TNFRSF14: variants seen among roughly 807,000 people sequenced by gnomAD.
The protein encoded by TNFRSF14 is TNF receptor superfamily member 14, also known as tumor necrosis factor receptor superfamily member 14.
TNFRSF14 carries 18 observed loss-of-function variants against 34.1 expected under a neutral mutation model. That is an observed-to-expected ratio of 0.53 (90% confidence interval 0.36 to 0.78). TNFRSF14 has a LOEUF of 0.78. TNFRSF14 is among the 30% of genes least tolerant of loss of function. The probability of loss-of-function intolerance (pLI) is 0.00; values close to 1 mark genes in which losing one functional copy is unlikely to be tolerated. For missense variants in TNFRSF14, 352 were observed against 379.5 expected (o/e 0.93, Z 0.60); for synonymous variants, 157 against 153.2 (o/e 1.02, Z -0.18).
chr1:2,558,541 C>T (rs1041708330), intron 3 of TNFRSF14, 73 bp downstream of exon 3: 21 of 1,590,532 alleles, frequency 1.3e-5, no homozygotes, highest in Non-Finnish European at 1.4e-5. Flanking sequence ...CACCCTCTCT[C>T]CATGGCCACA....
intron 6 of TNFRSF14, chr1:2,562,102 T>A (rs1375254008): frequency 1.0e-5 from 5 of 499,646 alleles, no homozygotes; most frequent in Non-Finnish European, 1.1e-5. Flanking sequence ...CTGTGGGATG[T>A]GGGGAGCAGG....
intron 3 of TNFRSF14, 25 bp from the exon 4 acceptor site, chr1:2,559,798 C>T (rs370425155): frequency 2.5e-6 from 4 of 1,598,308 alleles, no homozygotes; most frequent in Non-Finnish European, 3.4e-6. Context: ...ACGTACCCCT[C>T]TCAGCCCCTC....
intron 3 of TNFRSF14, chr1:2,559,020 C>T (rs758535866): frequency 9.0e-5 from 123 of 1,368,088 alleles, no homozygotes; most frequent in Non-Finnish European, 1.0e-4. Flanking sequence ...ATGCGGCCAA[C>T]GGCTCTGTCC....
At position 2,562,875 on chromosome 1, in the gene TNFRSF14, C is replaced by G; in HGVS notation, c.705C>G (p.Val235=). 2 of 1,613,930 alleles carry G rather than the reference C, an allele frequency of 1.2e-6. No homozygotes were observed. The highest frequency in any genetic ancestry group is 1.7e-5 in the Admixed American group (1 of 60,014). The change falls in exon 7 of 8, where the codon GTC becomes GTG. Residue 235 remains valine (V), a synonymous_variant. Coordinates refer to ENST00000355716, the MANE Select transcript of TNFRSF14 (RefSeq NM_003820.4). The stretch of plus-strand genomic sequence containing the variant: ...GTCTGTGTATTGCAGGTGATGTAGT[C>G]AAGGTGATCGTCTCCGTCCAGGTAT... The part of the protein sequence containing the change: ...VKRRKPRGDV[V]KVIVSVQRKR...
chr1:2,556,639 C>A lies in TNFRSF14; in HGVS notation c.-26C>A. On this transcript the variant is annotated 5_prime_UTR_variant, in exon 1 of 8. Transcript: ENST00000355716. ...GGAGTTCATCCTGCTAGCTGGGTTC[C>A]CGAGCTGCCGGTCTGAGCCTGAGGC... is the stretch of plus-strand genomic sequence containing the variant. 6.2e-7 allele frequency: 1 copy of A among 1,606,468 alleles called. No individual in the cohort carries two copies. Among genetic ancestry groups the A allele is most frequent in the East Asian group, 2.2e-5 (1 of 44,634 alleles).
chr1:2,555,948 C>G (rs983018918), upstream of TNFRSF14: 1 of 196,184 alleles, frequency 5.1e-6, no homozygotes, highest in African/African-American at 2.4e-5. This position sits in a 1 kb window ranked among gnomAD's most constrained non-coding sequence, Gnocchi z 6.3. Flanking sequence ...ACAGGGAGAC[C>G]GGGCGAGGCT....
At position 2,556,743 on chromosome 1, in the gene TNFRSF14, C is replaced by T. The variant is rs756768654; in HGVS notation, c.69+10C>T. 21 of 1,584,466 alleles carry T rather than the reference C, an allele frequency of 1.3e-5. No homozygotes were observed. The highest frequency in any genetic ancestry group is 4.5e-5 in the East Asian group (2 of 44,618). ...CGACGTCTTGAGGCTGGTGAGCCCCCGAGCCTCCTCTCCGTCTGCTCGCAG... is the reference window on the plus strand; with the variant it reads ...CGACGTCTTGAGGCTGGTGAGCCCCTGAGCCTCCTCTCCGTCTGCTCGCAG... On this transcript the variant is annotated intron_variant, in intron 1 of 7. Coordinates refer to ENST00000355716, the MANE Select transcript of TNFRSF14 (RefSeq NM_003820.4).
At chr1:2,557,650 C>G in intron 1 of TNFRSF14, 76 bp from the exon 2 acceptor site, 1 of 1,157,520 alleles carries the variant, frequency 8.6e-7, no homozygotes, top group Non-Finnish European at 1.2e-6. Flanking sequence ...GAGGGAGATT[C>G]AGGCTGTGGG....
At chr1:2,560,044 G>T in intron 4 of TNFRSF14, 66 bp downstream of exon 4, 1 of 1,461,540 alleles carries the variant, frequency 6.8e-7, no homozygotes, top group African/African-American at 1.4e-5. Context: ...GCTGTCTGGA[G>T]CCCCAGGTTT....
chr1:2,554,843 T>C (rs1325879626), upstream of TNFRSF14: 1 of 152,228 alleles, frequency 6.6e-6, no homozygotes, highest in Non-Finnish European at 1.5e-5. This position sits in a 1 kb window ranked among gnomAD's most constrained non-coding sequence, Gnocchi z 4.2. Context: ...CCGGCAGGTG[T>C]AGGCGCTGTG....
rs140612981 is a variant in TNFRSF14, at chr1:2,563,255, G to A, written c.834G>A (p.Gly278=). ...AVEETIPSFT[G]RSPNH ...AGGAGACAATACCCTCATTCACGGG[G>A]AGGAGCCCAAACCACTGACCCACAG... The change falls in exon 8 of 8, where the codon GGG becomes GGA. Residue 278 remains glycine, a synonymous_variant. Coordinates refer to ENST00000355716, the MANE Select transcript of TNFRSF14 (RefSeq NM_003820.4). 4.6e-5 allele frequency: 75 copies of A among 1,613,492 alleles called. No individual in the cohort carries two copies. In the African/African-American group the frequency reaches 8.3e-4, roughly 18 times the overall value.
chr1:2,558,251 C>A (rs1208883578), intron 2 of TNFRSF14, 92 bp from the exon 3 acceptor site: 1 of 1,509,492 alleles, frequency 6.6e-7, no homozygotes, highest in Non-Finnish European at 8.8e-7. Flanking sequence ...CTGGTGTCTC[C>A]CTGCTTGGGC....
Position 2,562,877 on chromosome 1 carries a change from A to C in TNFRSF14, c.707A>C (p.Lys236Thr). ...CTGTGTATTGCAGGTGATGTAGTCA[A>C]GGTGATCGTCTCCGTCCAGGTATTG... is the stretch of plus-strand genomic sequence containing the variant. ...KRRKPRGDVV[K>T]VIVSVQRKRQ... Residue 236 changes from lysine to threonine, a missense_variant, in exon 7 of 8, where the codon AAG (lysine) becomes ACG (threonine). Physicochemically the swap from Lys to Thr is moderately conservative, Grantham distance 78 (BLOSUM62 -1). Coordinates refer to ENST00000355716, the MANE Select transcript of TNFRSF14 (RefSeq NM_003820.4). The C allele has an allele frequency of 6.2e-7, 1 of 1,613,904 alleles. No homozygotes were observed. Among genetic ancestry groups the C allele is most frequent in the Non-Finnish European group, 8.5e-7 (1 of 1,179,958 alleles).
At position 2,563,380 on chromosome 1, in the gene TNFRSF14, C is replaced by G. The variant is rs891923249; in HGVS notation, c.*107C>G. The G allele has an allele frequency of 1.6e-5, 25 of 1,530,386 alleles. No homozygotes were observed. Among genetic ancestry groups the G allele is most frequent in the Non-Finnish European group, 2.0e-5 (23 of 1,136,232 alleles). 94.8% of individuals were successfully genotyped at this position (1,530,386 alleles called of 1,614,324 possible). A position where few individuals can be genotyped will look rare whatever the true frequency, so the allele number is the denominator to read the frequency against. ...GAGCCCGGAGGCTTGGGGGCTCCGC[C>G]CTGGGCTGGCTTCCGTCTCCTCCAG... On this transcript the variant is annotated 3_prime_UTR_variant, in exon 8 of 8. Transcript: ENST00000355716.
rs1160979531 is a variant in TNFRSF14 at position 2,559,968 on chromosome 1, G to A, written c.450G>A (p.Val150=). Residue 150 remains valine, a synonymous_variant, in exon 4 of 8, where the codon GTG becomes GTA. Transcript: ENST00000355716. ...AYATSSPGQR[V]QKGGTESQDT... Reference sequence around the variant, plus strand: ...CCACCTCCAGCCCGGGCCAGAGGGTGCAGAAGGGAGGTAAGCGGTGGGTGG... The same window carrying A: ...CCACCTCCAGCCCGGGCCAGAGGGTACAGAAGGGAGGTAAGCGGTGGGTGG... 1 of 1,569,506 alleles carries A rather than the reference G, an allele frequency of 6.4e-7. No homozygotes were observed. The highest frequency in any genetic ancestry group is 2.3e-5 in the East Asian group (1 of 42,940).
At chr1:2,560,116 C>T (rs1570589152) in intron 4 of TNFRSF14, 138 bp downstream of exon 4, 1 of 1,303,816 alleles carries the variant, frequency 7.7e-7, no homozygotes, top group Non-Finnish European at 1.0e-6. Flanking sequence ...GCCCCAGGCC[C>T]ACCCACTTCA....
intron 3 of TNFRSF14, 199 bp downstream of exon 3, chr1:2,558,667 C>T (rs780797901): frequency 6.7e-6 from 8 of 1,187,100 alleles, no homozygotes; most frequent in South Asian, 1.5e-5. Flanking sequence ...TCTGTCTCAC[C>T]TCTCACTTTG....
At chr1:2,559,485 G>T (rs1644271868) in intron 3 of TNFRSF14, 3 of 1,450,830 alleles carry the variant, frequency 2.1e-6, no homozygotes, top group East Asian at 5.9e-5. Flanking sequence ...GTGGGCACGT[G>T]GGGCGAGGAC....
intron 2 of TNFRSF14, 137 bp downstream of exon 2, chr1:2,557,971 A>G (rs1044423177): frequency 2.7e-6 from 2 of 753,824 alleles, no homozygotes; most frequent in Non-Finnish European, 2.1e-6. Context: ...GTGTGCAGAC[A>G]GTGAGGGCAG....
Sources: gnomAD v4.1 joint callset for allele counts on GRCh38, gnomAD v4.1.1 for gene constraint, Gnocchi (gnomAD v3.1) non-coding constraint, MANE v1.5 for transcripts, NCBI Gene and HGNC (gene_info 2026-07-23, HGNC 2026-07-21) for gene names.